CTNNA2: variants seen among roughly 807,000 people sequenced by gnomAD.
CTNNA2 encodes catenin alpha 2.
Under a neutral mutation model 101.0 loss-of-function variants are expected in CTNNA2, and 42 were observed. That is an observed-to-expected ratio of 0.42 (90% CI 0.32 to 0.54). The LOEUF (loss-of-function observed/expected upper bound fraction) is 0.54, where lower values mean the gene tolerates loss of function less well. CTNNA2 is among the 20% of genes least tolerant of loss of function. The pLI is 0.14. For synonymous variants in CTNNA2, 450 were observed against 456.4 expected, an observed-to-expected ratio of 0.99 and a Z score of 0.18; for missense variants, 871 against 1,223.1, an observed-to-expected ratio of 0.71 and a Z score of 4.29.
chr2:80,218,831 T>C (rs868234325), intron 7 of CTNNA2, among the ~76,000 whole-genome samples: 1 of 152,344 alleles, frequency 6.6e-6, no homozygotes, highest in African/African-American at 2.4e-5. Flanking sequence ...TTTGTGTTGT[T>C]GAATTGGTGC....
chr2:79,692,413 C>T (rs59673873), intron 2 of CTNNA2, among the ~76,000 whole-genome samples: 35,608 of 152,032 alleles, frequency 0.23, 4,441 homozygotes, highest in East Asian at 0.44. Context: ...TGCTTTTACA[C>T]GGTTGGTAGA....
At chr2:80,362,725 ACT>A (rs1174419173) in intron 7 of CTNNA2, among the ~76,000 whole-genome samples, 1 of 152,026 alleles carries the variant, frequency 6.6e-6, no homozygotes, top group Non-Finnish European at 1.5e-5. Context: ...TTGAACATTT[ACT>A]CTCTCTGCAC....
At chr2:80,229,545 G>C (rs1440741674) in intron 7 of CTNNA2, among the ~76,000 whole-genome samples, 1 of 151,662 alleles carries the variant, frequency 6.6e-6, no homozygotes, top group Admixed American at 6.6e-5. Context: ...GAGCTGTCAT[G>C]CCCTCTCTAG....
At chr2:79,929,829 G>T (rs1371687770) in intron 7 of CTNNA2, among the ~76,000 whole-genome samples, 1 of 152,150 alleles carries the variant, frequency 6.6e-6, no homozygotes, top group Non-Finnish European at 1.5e-5. Context: ...ATCAGTTCTT[G>T]ACGGAAAAAT....
chr2:79,370,711 A>G (rs1163071885), intron 3 of CTNNA2, among the ~76,000 whole-genome samples: 1 of 152,198 alleles, frequency 6.6e-6, no homozygotes, highest in African/African-American at 2.4e-5. Context: ...GCACAAACCA[A>G]CAAAACACTG....
At chr2:79,848,833 G>C (rs770391830) in intron 3 of CTNNA2, among the ~76,000 whole-genome samples, 4 of 152,182 alleles carry the variant, frequency 2.6e-5, no homozygotes, top group Non-Finnish European at 4.4e-5. Context: ...GGTTGTCACA[G>C]AACCATGTGG....
chr2:79,253,229 C>T (rs1674796060), intron 2 of CTNNA2, among the ~76,000 whole-genome samples: 1 of 152,182 alleles, frequency 6.6e-6, no homozygotes, highest in Non-Finnish European at 1.5e-5. Context: ...GATGCTTCTG[C>T]TCCTGGGCTT....
intron 7 of CTNNA2, among the ~76,000 whole-genome samples, chr2:80,149,158 G>C (rs1211612813): frequency 6.6e-6 from 1 of 151,456 alleles, no homozygotes; most frequent in Non-Finnish European, 1.5e-5. Flanking sequence ...TCAACCTCCT[G>C]AGTGGCTGTG....
chr2:79,607,923 CAGTT>C (rs748231697), intron 1 of CTNNA2, among the ~76,000 whole-genome samples: 18 of 150,788 alleles, frequency 1.2e-4, no homozygotes, highest in African/African-American at 2.9e-4. Flanking sequence ...AAGTGGAAAT[CAGTT>C]AGGTAGAAAA....
At chr2:80,022,534 G>A (rs1010347732) in intron 7 of CTNNA2, among the ~76,000 whole-genome samples, 23 of 152,164 alleles carry the variant, frequency 1.5e-4, no homozygotes, top group African/African-American at 5.1e-4. Context: ...GGGAGGCTGA[G>A]GCAGGAGGAT....
intron 7 of CTNNA2, among the ~76,000 whole-genome samples, chr2:80,168,921 C>T (rs909739164): frequency 2.6e-5 from 4 of 152,096 alleles, no homozygotes; most frequent in African/African-American, 7.2e-5. Flanking sequence ...TATGTGACTC[C>T]ACAAGACTGA....
intron 3 of CTNNA2, among the ~76,000 whole-genome samples, chr2:79,758,138 T>C (rs6547272): frequency 0.48 from 72,411 of 151,990 alleles, 19,903 homozygotes; most frequent in East Asian, 0.79. Context: ...TTAAACAAAA[T>C]GTTTGATTTG....
At chr2:79,900,826 A>G (rs1382195417) in intron 6 of CTNNA2, among the ~76,000 whole-genome samples, 1 of 152,216 alleles carries the variant, frequency 6.6e-6, no homozygotes, top group Non-Finnish European at 1.5e-5. Context: ...ACACAGAGAA[A>G]CGATAAATGC....
At chr2:79,411,129 G>C (rs1355500105) in intron 4 of CTNNA2, among the ~76,000 whole-genome samples, 1 of 152,048 alleles carries the variant, frequency 6.6e-6, no homozygotes, top group East Asian at 1.9e-4. Flanking sequence ...TTGTATTTCT[G>C]TGGGATCGGT....
chr2:79,247,362 T>A (rs2104266188), intron 2 of CTNNA2, among the ~76,000 whole-genome samples: 1 of 152,302 alleles, frequency 6.6e-6, no homozygotes, highest in Non-Finnish European at 1.5e-5. Flanking sequence ...GAGAAAATAT[T>A]TTGAAGAGCT....
At chr2:80,014,910 G>C (rs920921071) in intron 7 of CTNNA2, among the ~76,000 whole-genome samples, 1 of 152,122 alleles carries the variant, frequency 6.6e-6, no homozygotes, top group Non-Finnish European at 1.5e-5. Flanking sequence ...ACCTCAAGAT[G>C]GGGAAGGAGT....
intron 12 of CTNNA2, among the ~76,000 whole-genome samples, chr2:80,561,954 G>A (rs1451859860): frequency 6.6e-6 from 1 of 151,604 alleles, no homozygotes; most frequent in Non-Finnish European, 1.5e-5. Flanking sequence ...GGGATTACAG[G>A]CATGAGCCAC....
chr2:80,066,566 C>T lies in CTNNA2; in HGVS notation c.1056+156769C>T, dbSNP rs116701345. On this transcript the variant is annotated intron_variant, in intron 7 of 18. Coordinates refer to ENST00000402739, the MANE Select transcript of CTNNA2 (RefSeq NM_001282597.3). ...TATCACCTCACACTTTTTAGAATGG[C>T]TGTTAATAAAAAATGAAAAATAAGT... Among the ~76,000 whole-genome samples the T allele has an allele frequency of 6.5e-3, 991 of 152,100 alleles. 9 individuals carry two copies. The highest frequency in any genetic ancestry group is 0.022 in the African/African-American group (894 of 41,476).
At chr2:79,406,125 C>T (rs1678338740) in intron 4 of CTNNA2, among the ~76,000 whole-genome samples, 1 of 152,032 alleles carries the variant, frequency 6.6e-6, no homozygotes, top group South Asian at 2.1e-4. Flanking sequence ...CTAGAACTGA[C>T]AAAGGCATTA....
Sources: gnomAD v4.1 joint callset for allele counts (sites outside exome capture counted in the v4.1 genomes callset) on GRCh38, gnomAD v4.1.1 for gene constraint, MANE v1.5 for transcripts, NCBI Gene and HGNC (gene_info 2026-07-23, HGNC 2026-07-21) for gene names.